WDR41: variants seen among roughly 807,000 people sequenced by gnomAD.
WDR41 encodes the protein WD repeat-containing protein 41.
In WDR41, 63 loss-of-function variants were observed where a neutral mutation model predicts 69.3. That is an observed-to-expected ratio of 0.91 (90% CI 0.74 to 1.12). WDR41 has a LOEUF of 1.12. WDR41 is among the 50% of genes most tolerant of loss of function. The pLI is 0.00. For missense variants in WDR41, 543 were observed against 534.5 expected, an observed-to-expected ratio of 1.02 and a Z score of -0.16; for synonymous variants, 185 against 192.1, an observed-to-expected ratio of 0.96 and a Z score of 0.31.
At chr5:77,479,230 G>GA (rs1193460046) in intron 2 of WDR41, among the ~76,000 whole-genome samples, 7 of 151,760 alleles carry the variant, frequency 4.6e-5, no homozygotes, top group African/African-American at 1.5e-4. Flanking sequence ...TCAGTACCGT[G>GA]AAAATGGCCA....
chr5:77,448,930 A>C (rs1424516584), intron 8 of WDR41, among the ~76,000 whole-genome samples: 1 of 152,018 alleles, frequency 6.6e-6, no homozygotes, highest in Non-Finnish European at 1.5e-5. Flanking sequence ...GGCCTCAGGG[A>C]GATATGTTGC....
chr5:77,489,543 T>C lies in WDR41; in HGVS notation c.81A>G (p.Glu27=). Residue 27 remains glutamate, a synonymous_variant, in exon 2 of 13, where the codon GAA becomes GAG. Transcript: ENST00000296679. ...EKSPLQTIGE[E]QTQNPYTELL... is the part of the protein sequence containing the mutation. ...GTTCAGTGTAGGGATTCTGGGTTTGTTCTTCACCTATTGTCTGTAAAGGAG... is the reference window on the plus strand; with the variant it reads ...GTTCAGTGTAGGGATTCTGGGTTTGCTCTTCACCTATTGTCTGTAAAGGAG... 6.2e-7 allele frequency: 1 copy of C among 1,607,168 alleles called. No homozygotes were observed.
chr5:77,613,867 A>C (rs1207321169), intron 1 of WDR41, among the ~76,000 whole-genome samples: 1 of 152,238 alleles, frequency 6.6e-6, no homozygotes, highest in Non-Finnish European at 1.5e-5. Context: ...CAACCTACAG[A>C]ATGGGAGAAA....
chr5:77,463,361 TAAGC>T (rs1800153883), intron 3 of WDR41, 135 bp from the exon 4 acceptor site: 1 of 741,850 alleles, frequency 1.3e-6, no homozygotes, highest in Non-Finnish European at 1.9e-6. Context: ...GAATTTAACT[TAAGC>T]AATCACACAG....
intron 1 of WDR41, among the ~76,000 whole-genome samples, chr5:77,592,272 G>A (rs1375479858): frequency 1.3e-5 from 2 of 151,940 alleles, no homozygotes; most frequent in Non-Finnish European, 2.9e-5. Flanking sequence ...TTTTTAAATT[G>A]AGTCTGATAG....
chr5:77,574,465 T>C (rs1743791431), intron 1 of WDR41, among the ~76,000 whole-genome samples: 1 of 152,178 alleles, frequency 6.6e-6, no homozygotes, highest in African/African-American at 2.4e-5. Context: ...ATTATAAGTG[T>C]TCTGTGTGAG....
intron 1 of WDR41, among the ~76,000 whole-genome samples, chr5:77,518,750 A>G (rs890737158): frequency 6.6e-6 from 1 of 152,154 alleles, no homozygotes; most frequent in Non-Finnish European, 1.5e-5. Context: ...TCCAAATTAA[A>G]TAGTTTATAA....
chr5:77,555,975 G>C (rs143641130), intron 1 of WDR41, among the ~76,000 whole-genome samples: 38 of 152,120 alleles, frequency 2.5e-4, no homozygotes, highest in African/African-American at 8.2e-4. Flanking sequence ...TATAAAGCTG[G>C]AGCAATTAAC....
intron 1 of WDR41, among the ~76,000 whole-genome samples, chr5:77,598,941 T>C (rs1744275838): frequency 1.3e-5 from 2 of 152,234 alleles, no homozygotes; most frequent in Admixed American, 1.3e-4. Context: ...AGATCAGGCA[T>C]TCCTGACAAA....
chr5:77,501,468 G>A (rs1367984535), intron 1 of WDR41, among the ~76,000 whole-genome samples: 2 of 152,244 alleles, frequency 1.3e-5, no homozygotes, highest in African/African-American at 4.8e-5. Context: ...ACAAAAGTCA[G>A]CAGACAACTT....
chr5:77,545,431 G>A (rs1277958288), intron 1 of WDR41: 4 of 181,808 alleles, frequency 2.2e-5, no homozygotes, highest in South Asian at 1.1e-4. Context: ...AGGTCGGGCC[G>A]GAGGCCCCAA....
chr5:77,531,739 T>C (rs1473241084), intron 1 of WDR41, among the ~76,000 whole-genome samples: 3 of 152,046 alleles, frequency 2.0e-5, no homozygotes, highest in Admixed American at 6.6e-5. Context: ...AGCAGCATTA[T>C]TCACAATAGC....
chr5:77,605,251 T>G (rs1744394128), intron 1 of WDR41, among the ~76,000 whole-genome samples: 1 of 152,202 alleles, frequency 6.6e-6, no homozygotes, highest in African/African-American at 2.4e-5. Context: ...ACATTCTGTC[T>G]GCTCCTTACT....
chr5:77,480,754 G>T (rs1346848352), intron 2 of WDR41, among the ~76,000 whole-genome samples: 4 of 151,204 alleles, frequency 2.6e-5, no homozygotes, highest in Non-Finnish European at 5.9e-5. Context: ...CAGCGCACCA[G>T]CATGGCACAT....
chr5:77,501,346 C>T (rs1802015317), intron 1 of WDR41, among the ~76,000 whole-genome samples: 1 of 152,234 alleles, frequency 6.6e-6, no homozygotes, highest in South Asian at 2.1e-4. Flanking sequence ...ATTGCTGAGG[C>T]TTGAGTAGGT....
intron 1 of WDR41, among the ~76,000 whole-genome samples, chr5:77,615,133 G>A (rs1179914941): frequency 2.0e-5 from 3 of 152,078 alleles, no homozygotes; most frequent in African/African-American, 7.2e-5. Context: ...GATGATAGTT[G>A]CCCAACTCTA....
intron 1 of WDR41, among the ~76,000 whole-genome samples, chr5:77,607,151 T>C (rs957665503): frequency 5.3e-5 from 8 of 152,154 alleles, no homozygotes; most frequent in African/African-American, 1.9e-4. Flanking sequence ...ATTATCAAAC[T>C]ATTATTAGAT....
At chr5:77,521,643 A>G (rs1029048954) in intron 1 of WDR41, among the ~76,000 whole-genome samples, 1 of 152,208 alleles carries the variant, frequency 6.6e-6, no homozygotes, top group Non-Finnish European at 1.5e-5. Context: ...TTGGTGGCAA[A>G]GCCTCACCTG....
At chr5:77,492,345 A>T (rs542045325), upstream of WDR41, 708 of 1,320,804 alleles carry the variant, frequency 5.4e-4, no homozygotes, top group Non-Finnish European at 7.1e-4. Flanking sequence ...GCCCCAGATC[A>T]GCCCACGGGC....
Sources: gnomAD v4.1 joint callset for allele counts (sites outside exome capture counted in the v4.1 genomes callset) on GRCh38, gnomAD v4.1.1 for gene constraint, MANE v1.5 for transcripts, NCBI Gene and HGNC (gene_info 2026-07-23, HGNC 2026-07-21) for gene names.